The following BCAN variants were observed in gnomAD, a reference collection of about 807,000 sequenced individuals.
The protein encoded by BCAN is brevican core protein.
In BCAN, 51 loss-of-function variants were observed where a neutral mutation model predicts 92.4. The observed-to-expected ratio is 0.55, with a 90% CI of 0.44 to 0.70. The LOEUF is 0.70. Ranked by LOEUF, BCAN falls within the 30% of genes least tolerant of loss-of-function variation. The pLI is 0.00. For synonymous variants in BCAN, 501 were observed against 505.2 expected (o/e 0.99, Z 0.11); for missense variants, 1,140 against 1,212.1 (o/e 0.94, Z 0.88).
chr1:156,647,511 T>C lies in BCAN; in HGVS notation c.470T>C (p.Val157Ala), dbSNP rs1372939276. The change falls in exon 4 of 14, where the codon GTC (valine) becomes GCC (alanine). Residue 157 changes from valine (V) to alanine (A), a missense_variant. By Grantham distance (64) the Val-to-Ala change is moderately conservative. Around this residue, in one of 3 missense-constraint regions of BCAN, gnomAD observed 286 missense variants for 284.1 expected, o/e 1.01. Transcript: ENST00000329117. This position sits in a 1 kb window ranked among gnomAD's most constrained non-coding sequence, Gnocchi z 4.8. ...AGGGGTCCTCTCTGCCCCACAGGGG[T>C]CGTCTTTCTCTACCGAGAGGGCTCT... ...SDAVEVKVKG[V>A]VFLYREGSAR... is the part of the protein sequence containing the mutation. The C allele has an allele frequency of 6.4e-7, 1 of 1,556,136 alleles. No homozygotes were observed. Among genetic ancestry groups the C allele is most frequent in the Non-Finnish European group, 8.7e-7 (1 of 1,153,084 alleles).
At chr1:156,657,393 G>C (rs545795307) in intron 10 of BCAN, 1 of 551,476 alleles carries the variant, frequency 1.8e-6, no homozygotes, top group East Asian at 3.1e-5. Flanking sequence ...TCCGACCTCC[G>C]TCGGCCTCCT....
In BCAN at chr1:156,652,623, C is replaced by A. The variant is rs929878801; in HGVS notation, c.1673C>A (p.Thr558Asn). 6.2e-7 allele frequency: 1 copy of A among 1,614,000 alleles called. No individual in the cohort carries two copies. Among genetic ancestry groups the A allele is most frequent in the African/African-American group, 1.3e-5 (1 of 75,060 alleles). ...ERNLASPSPS[T>N]LVEAREVGEA... ...AACCTAGCATCCCCATCACCTTCCA[C>A]TCTGGTTGAGGCAAGAGAGGTGGGG... Residue 558 changes from threonine to asparagine, a missense_variant, in exon 8 of 14, where the codon ACT (threonine) becomes AAT (asparagine). Physicochemically the swap from Thr to Asn is moderately conservative, Grantham distance 65. This residue lies in a region of BCAN where 825 missense variants were observed against 871.8 expected (regional missense o/e 0.95). Transcript: ENST00000329117.
Position 156,657,683 on chromosome 1 carries a change from C to T in BCAN, c.2218C>T (p.Arg740Trp), listed in dbSNP as rs753852392. Residue 740 changes from arginine (R) to tryptophan (W), a missense_variant, in exon 11 of 14, where the codon CGG becomes TGG. Arg to Trp is a moderately radical substitution (Grantham distance 101). Around this residue, in one of 3 missense-constraint regions of BCAN, gnomAD observed 825 missense variants for 871.8 expected, o/e 0.95. Transcript: ENST00000329117. ...EEQDFINNRYREYQWIGLNDR... is the reference protein window; with the variant it reads ...EEQDFINNRYWEYQWIGLNDR... ...CGCCTTCGTCTCCCTAGACCGGTAC[C>T]GGGAGTACCAGTGGATCGGACTCAA... is the stretch of plus-strand genomic sequence containing the variant. The T allele has an allele frequency of 1.2e-6, 2 of 1,609,956 alleles. No homozygotes were observed. Among genetic ancestry groups the T allele is most frequent in the South Asian group, 1.1e-5 (1 of 90,876 alleles).
At chr1:156,657,979 T>C (rs1388142265) in intron 11 of BCAN, 148 bp from the exon 12 acceptor site, 1 of 1,005,830 alleles carries the variant, frequency 9.9e-7, no homozygotes, top group Non-Finnish European at 1.4e-6. Flanking sequence ...GCCCTCTCCT[T>C]TCCCCTTCCC....
At chr1:156,649,967 G>A (rs1272960628) in intron 6 of BCAN, 3 of 518,650 alleles carry the variant, frequency 5.8e-6, no homozygotes, top group Non-Finnish European at 1.2e-5. Flanking sequence ...GCAAAGGGAA[G>A]ACAAGATGCC....
rs1010458143 is a variant in BCAN at position 156,652,737 on chromosome 1, C to T, written c.1787C>T (p.Pro596Leu). 1 of 1,604,866 alleles carries T rather than the reference C, an allele frequency of 6.2e-7. No homozygotes were observed. The highest frequency in any genetic ancestry group is 1.7e-5 in the Admixed American group (1 of 59,306). Reference sequence around the variant, plus strand: ...TCCGAGGGTGCCCCTTCCCTGCTTCCAGCCACACGGGCCCCTGAGGGTACC... The same window carrying T: ...TCCGAGGGTGCCCCTTCCCTGCTTCTAGCCACACGGGCCCCTGAGGGTACC... ...GSSEGAPSLLPATRAPEGTRE... is the reference protein window; with the variant it reads ...GSSEGAPSLLLATRAPEGTRE... The change falls in exon 8 of 14, where the codon CCA becomes CTA. Residue 596 changes from proline to leucine, a missense_variant. Transcript: ENST00000329117.
At position 156,646,668 on chromosome 1, in the gene BCAN, TGGCCC is replaced by T. The variant is rs1678980141; in HGVS notation, c.92-132_92-128del. 10 of 1,401,874 alleles carry T rather than the reference TGGCCC, an allele frequency of 7.1e-6. No individual in the cohort carries two copies. In the African/African-American group the frequency reaches 1.5e-4, roughly 21 times the overall value. The allele number at this position is 1,401,874 out of a possible 1,614,324, so 86.8% of individuals were successfully genotyped here. A position where few individuals can be genotyped will look rare whatever the true frequency, so the allele number is the denominator to read the frequency against. On this transcript the variant is annotated intron_variant, in intron 2 of 13. Transcript: ENST00000329117. ...CTGCAGGACCCTGGCCCCTGGCCCC[TGGCCC>T]CTGGTCCTAGGGGGGCCGGGGAATC...
At chr1:156,645,215 G>A (rs1368395242) in intron 1 of BCAN, among the ~76,000 whole-genome samples, 1 of 152,158 alleles carries the variant, frequency 6.6e-6, no homozygotes, top group African/African-American at 2.4e-5. Flanking sequence ...TTTCACAAAA[G>A]GTAGGGTGGG....
At position 156,648,487 on chromosome 1, in the gene BCAN, C is replaced by T. The variant is rs773742205; in HGVS notation, c.770-81C>T. 357 of 1,420,200 alleles carry T rather than the reference C, an allele frequency of 2.5e-4. 1 individual carries two copies. The highest frequency in any genetic ancestry group is 1.7e-3 in the South Asian group (128 of 74,952). The allele number at this position is 1,420,200 out of a possible 1,614,324, so 88.0% of individuals were successfully genotyped here. A position where few individuals can be genotyped will look rare whatever the true frequency, so the allele number is the denominator to read the frequency against. ...GCCACAGATGAGGGAACTGGAGAAG[C>T]TTGCCCAGGGTTCCCATGGGAGACC... On this transcript the variant is annotated intron_variant, in intron 5 of 13. Coordinates refer to ENST00000329117, the MANE Select transcript of BCAN (RefSeq NM_021948.5).
chr1:156,658,246 GTCC>G lies in BCAN; in HGVS notation c.2414_2416del (p.Ser805del). 1 of 1,614,114 alleles carries G rather than the reference GTCC, an allele frequency of 6.2e-7. No homozygotes were observed. Among genetic ancestry groups the G allele is most frequent in the East Asian group, 2.2e-5 (1 of 44,880 alleles). On this transcript the variant is annotated inframe_deletion, in exon 12 of 14. Transcript: ENST00000329117. This position sits in a 1 kb window ranked among gnomAD's most constrained non-coding sequence, Gnocchi z 4.4. Reference sequence around the variant, plus strand: ...GTGACGTGCCCTGCAACTACCACCTGTCCTACACCTGCAAGATGGGGCTGGGTG... The same window carrying G: ...GTGACGTGCCCTGCAACTACCACCTGTACACCTGCAAGATGGGGCTGGGTG...
chr1:156,643,631 CACACAGAGAGAG>C (rs1678863913), intron 1 of BCAN: 1 of 52,326 alleles, frequency 1.9e-5, no homozygotes. Flanking sequence ...CACACACACA[CACACAGAGAGAG>C]AGAGAGAGAG....
chr1:156,648,980 C>T (rs1028810231), intron 6 of BCAN, 119 bp downstream of exon 6: 12 of 1,199,338 alleles, frequency 1.0e-5, no homozygotes, highest in African/African-American at 4.6e-5. Context: ...CTGAAGTGGT[C>T]GTGGGTGAAG....
chr1:156,643,639 G>GAGAGAGAT (rs1678867635), intron 1 of BCAN: 1 of 145,800 alleles, frequency 6.9e-6, no homozygotes, highest in East Asian at 2.0e-4. Flanking sequence ...CACACACAGA[G>GAGAGAGAT]AGAGAGAGAG....
Position 156,658,509 on chromosome 1 carries a change from G to C in BCAN, c.2438-34G>C, listed in dbSNP as rs1679417116. 1 of 1,595,192 alleles carries C rather than the reference G, an allele frequency of 6.3e-7. No individual in the cohort carries two copies. Among genetic ancestry groups the C allele is most frequent in the African/African-American group, 1.3e-5 (1 of 74,576 alleles). Reference sequence around the variant, plus strand: ...GATTCTGGGAACTGTCACCCACAGAGCCAGGCTCAGTTCCTAACTGTCTTC... The same window carrying C: ...GATTCTGGGAACTGTCACCCACAGACCCAGGCTCAGTTCCTAACTGTCTTC... On this transcript the variant is annotated intron_variant, in intron 12 of 13. Coordinates refer to ENST00000329117, the MANE Select transcript of BCAN (RefSeq NM_021948.5). This position sits in a 1 kb window ranked among gnomAD's most constrained non-coding sequence, Gnocchi z 4.4.
chr1:156,647,207 AGGG>A lies in BCAN; in HGVS notation c.466+33_466+35del. 8 of 202,948 alleles carry A rather than the reference AGGG, an allele frequency of 3.9e-5. No individual in the cohort carries two copies. Among genetic ancestry groups the A allele is most frequent in the Non-Finnish European group, 6.1e-5 (6 of 98,782 alleles). The allele number at this position is 202,948 out of a possible 1,614,324, so 12.6% of individuals were successfully genotyped here. ...GGGCAGGGAGGTTCCAGAGGGAGGG[AGGG>A]AGGGAGGGAAGGGAGGACTCTTGCC... On this transcript the variant is annotated intron_variant, in intron 3 of 13. Coordinates refer to ENST00000329117, the MANE Select transcript of BCAN (RefSeq NM_021948.5). This position sits in a 1 kb window ranked among gnomAD's most constrained non-coding sequence, Gnocchi z 4.8.
Position 156,657,766 on chromosome 1 carries a change from C to A in BCAN, c.2292+9C>A. 3.7e-6 allele frequency: 6 copies of A among 1,605,548 alleles called. No homozygotes were observed. The highest frequency in any genetic ancestry group is 3.3e-5 in the South Asian group (3 of 90,726). The stretch of plus-strand genomic sequence containing the variant: ...CGGATGGCGTCCCCCTGGTGAGAGG[C>A]CCCAGTCGAACCCCGCCGTCTAGCT... On this transcript the variant is annotated intron_variant, in intron 11 of 13. Coordinates refer to ENST00000329117, the MANE Select transcript of BCAN (RefSeq NM_021948.5).
rs1457453349 is a variant in BCAN at position 156,652,446 on chromosome 1, C to A, written c.1496C>A (p.Pro499Gln). 1 of 1,603,940 alleles carries A rather than the reference C, an allele frequency of 6.2e-7. No homozygotes were observed. The highest frequency in any genetic ancestry group is 8.5e-7 in the Non-Finnish European group (1 of 1,174,956). Reference sequence around the variant, plus strand: ...CCTGAGGCCTCTCTCCCCACTGAGCCAGCAGCCCAGGAGGAGTCACTCTCC... The same window carrying A: ...CCTGAGGCCTCTCTCCCCACTGAGCAAGCAGCCCAGGAGGAGTCACTCTCC... ...PGPEASLPTE[P>Q]AAQEESLSQA... The change falls in exon 8 of 14, where the codon CCA becomes CAA. Residue 499 changes from proline to glutamine, a missense_variant. By Grantham distance (76) the Pro-to-Gln change is moderately conservative. Around this residue, in one of 3 missense-constraint regions of BCAN, gnomAD observed 825 missense variants for 871.8 expected, o/e 0.95. Coordinates refer to ENST00000329117, the MANE Select transcript of BCAN (RefSeq NM_021948.5).
intron 1 of BCAN, chr1:156,644,639 G>A (rs1473779092): frequency 6.6e-6 from 1 of 152,242 alleles, no homozygotes; most frequent in Non-Finnish European, 1.5e-5. Context: ...CAGACACAGT[G>A]GGGGAGATGG....
chr1:156,658,038 C>G lies in BCAN; in HGVS notation c.2293-89C>G, dbSNP rs368996554. The G allele has an allele frequency of 6.7e-6, 10 of 1,496,060 alleles. No individual in the cohort carries two copies. The South Asian group carries it at 8.9e-5, about 13-fold the overall frequency. The allele number at this position is 1,496,060 out of a possible 1,614,324, so 92.7% of individuals were successfully genotyped here. ...CCTAACCTTCCCTCTCCTGGGGCCC[C>G]GCTCACCAGCCCTCCTCCCCAGATC... On this transcript the variant is annotated intron_variant, in intron 11 of 13. Coordinates refer to ENST00000329117, the MANE Select transcript of BCAN (RefSeq NM_021948.5). This position sits in a 1 kb window ranked among gnomAD's most constrained non-coding sequence, Gnocchi z 4.4.
Sources: gnomAD v4.1 joint callset for allele counts (sites outside exome capture counted in the v4.1 genomes callset) on GRCh38, gnomAD v4.1.1 for gene constraint, gnomAD v4.1.1 regional missense constraint, Gnocchi (gnomAD v3.1) non-coding constraint, MANE v1.5 for transcripts, NCBI Gene and HGNC (gene_info 2026-07-23, HGNC 2026-07-21) for gene names.